Variants in KAZN observed in about 807,000 individuals in gnomAD.
The protein encoded by KAZN is kazrin.
Under a neutral mutation model 87.4 loss-of-function variants are expected in KAZN, and 40 were observed. That is an observed-to-expected ratio of 0.46 (90% CI 0.36 to 0.60). The LOEUF (loss-of-function observed/expected upper bound fraction) is 0.60. Among genes scored for constraint, KAZN ranks in the 20% least tolerant of loss-of-function variants. KAZN has a pLI of 0.00. For missense variants in KAZN, 898 were observed against 1,073.9 expected (o/e 0.84, Z 2.29); for synonymous variants, 466 against 458.3 (o/e 1.02, Z -0.22).
At chr1:15,080,665 C>T (rs1181797871) in intron 8 of KAZN, among the ~76,000 whole-genome samples, 2 of 152,230 alleles carry the variant, frequency 1.3e-5, no homozygotes, top group African/African-American at 4.8e-5. Flanking sequence ...TTCACATTAT[C>T]ATGAAGTGTT....
At chr1:15,038,608 C>G (rs2100272515) in intron 3 of KAZN, among the ~76,000 whole-genome samples, 1 of 152,184 alleles carries the variant, frequency 6.6e-6, no homozygotes, top group African/African-American at 2.4e-5. Context: ...TGTGCACCTA[C>G]TATATACAGG....
intron 1 of KAZN, among the ~76,000 whole-genome samples, chr1:14,081,369 A>T (rs1042242952): frequency 6.6e-6 from 1 of 152,060 alleles, no homozygotes. Context: ...TGACTTAAGG[A>T]TGAGCTTGTT....
chr1:13,941,755 C>A (rs1640936050), intron 1 of KAZN, among the ~76,000 whole-genome samples: 1 of 152,120 alleles, frequency 6.6e-6, no homozygotes, highest in Non-Finnish European at 1.5e-5. Flanking sequence ...CCAAACCTAC[C>A]ACCATCACCA....
intron 1 of KAZN, among the ~76,000 whole-genome samples, chr1:14,948,597 C>G (rs185925880): frequency 1.3e-5 from 2 of 152,238 alleles, no homozygotes; most frequent in Admixed American, 1.3e-4. Flanking sequence ...ATGGAGGTGC[C>G]ATGTTGAAAA....
In KAZN at chr1:15,104,085, A is replaced by G. The variant is rs1357518160; in HGVS notation, c.1944A>G (p.Thr648=). The G allele has an allele frequency of 5.0e-6, 8 of 1,613,340 alleles. No homozygotes were observed. The South Asian group carries it at 7.7e-5, about 16-fold the overall frequency. ...VHGAVLVLEP[T]FNAEAMATAL... is the part of the protein sequence containing the mutation. ...GTGCTGTGCTGGTGCTGGAGCCCAC[A>G]TTCAATGCCGAGGCCATGGCCACTG... The change falls in exon 13 of 15, where the codon ACA becomes ACG. Residue 648 remains threonine, a synonymous_variant. Transcript: ENST00000376030.
At chr1:15,005,620 T>C (rs1451792907) in intron 2 of KAZN, among the ~76,000 whole-genome samples, 1 of 152,042 alleles carries the variant, frequency 6.6e-6, no homozygotes, top group Non-Finnish European at 1.5e-5. Flanking sequence ...ACCCCATCTC[T>C]ACTAAAAATA....
chr1:15,115,391 A>G lies in KAZN; in HGVS notation c.*756A>G, dbSNP rs946837133. 2.6e-5 allele frequency: 4 copies of G among 152,164 alleles called. No homozygotes were observed. Among genetic ancestry groups the G allele is most frequent in the Non-Finnish European group, 5.9e-5 (4 of 68,036 alleles). 9.4% of individuals were successfully genotyped at this position (152,164 alleles called of 1,614,324 possible). Reference sequence around the variant, plus strand: ...GGAGATGCAGATATCCTATCACCAGAATGAAAGCTATTGGGACAACAGGAT... The same window carrying G: ...GGAGATGCAGATATCCTATCACCAGGATGAAAGCTATTGGGACAACAGGAT... On this transcript the variant is annotated 3_prime_UTR_variant, in exon 15 of 15. Transcript: ENST00000376030. The surrounding 1 kb of genome is among the most constrained non-coding windows in gnomAD (Gnocchi z 4.1).
chr1:14,017,330 C>G (rs1640617563), intron 1 of KAZN, among the ~76,000 whole-genome samples: 1 of 152,168 alleles, frequency 6.6e-6, no homozygotes, highest in African/African-American at 2.4e-5. Flanking sequence ...CCTTCTGACT[C>G]AAGACTAGAT....
chr1:14,513,231 C>A (rs888359129), intron 2 of KAZN, among the ~76,000 whole-genome samples: 3 of 152,138 alleles, frequency 2.0e-5, no homozygotes, highest in Non-Finnish European at 4.4e-5. Context: ...CGTGGTATAA[C>A]TTATTGTCTT....
intron 2 of KAZN, among the ~76,000 whole-genome samples, chr1:14,295,859 G>C (rs2100761780): frequency 6.6e-6 from 1 of 152,208 alleles, no homozygotes; most frequent in South Asian, 2.1e-4. Context: ...TCCTTAGCTA[G>C]ATCACGGGGT....
At chr1:14,918,707 A>AATAT (rs201058383) in intron 1 of KAZN, among the ~76,000 whole-genome samples, 172 of 24,512 alleles carry the variant, frequency 7.0e-3, no homozygotes, top group African/African-American at 0.015. Flanking sequence ...AAAAAAAAAA[A>AATAT]ATATATATAT....
chr1:14,331,498 C>T (rs912894485), intron 2 of KAZN, among the ~76,000 whole-genome samples: 6 of 152,160 alleles, frequency 3.9e-5, no homozygotes, highest in African/African-American at 1.4e-4. Flanking sequence ...TACTTTTATA[C>T]CTTACTGCTG....
intron 8 of KAZN, among the ~76,000 whole-genome samples, chr1:15,092,768 C>T (rs571272547): frequency 2.3e-4 from 35 of 152,178 alleles, no homozygotes; most frequent in Admixed American, 3.9e-4. Context: ...AGCTACCACG[C>T]CCGGCCTGTT....
intron 1 of KAZN, among the ~76,000 whole-genome samples, chr1:14,177,382 G>A (rs2100294092): frequency 6.6e-6 from 1 of 152,154 alleles, no homozygotes; most frequent in Admixed American, 6.5e-5. Context: ...GTAAATAGAA[G>A]TTTCTACCTA....
intron 1 of KAZN, among the ~76,000 whole-genome samples, chr1:14,034,284 G>T (rs1641451749): frequency 6.7e-6 from 1 of 149,120 alleles, no homozygotes; most frequent in African/African-American, 2.6e-5. Flanking sequence ...TTTCCTTTTA[G>T]CTGTTTTTTT....
chr1:14,517,829 G>T (rs549336182), intron 2 of KAZN, among the ~76,000 whole-genome samples: 1 of 152,340 alleles, frequency 6.6e-6, no homozygotes, highest in African/African-American at 2.4e-5. Flanking sequence ...CAGCAGTGAA[G>T]TGGATGGATG....
At chr1:15,101,005 G>T (rs1474307573) in intron 10 of KAZN, among the ~76,000 whole-genome samples, 3 of 152,172 alleles carry the variant, frequency 2.0e-5, no homozygotes, top group Non-Finnish European at 4.4e-5. Context: ...AGGTGGAGGG[G>T]CGGGGTCCCC....
intron 1 of KAZN, among the ~76,000 whole-genome samples, chr1:14,661,662 C>T (rs900448774): frequency 2.0e-5 from 1 of 49,758 alleles, no homozygotes; most frequent in African/African-American, 7.0e-5. Context: ...GATTGGGGGA[C>T]GGGGGGGCGG....
intron 14 of KAZN, chr1:15,113,627 G>A (rs879315156): frequency 6.6e-5 from 10 of 152,008 alleles, no homozygotes; most frequent in Non-Finnish European, 1.0e-4. Flanking sequence ...GGACTTACTC[G>A]GTGCAAGCAC....
Sources: gnomAD v4.1 joint callset for allele counts (sites outside exome capture counted in the v4.1 genomes callset) on GRCh38, gnomAD v4.1.1 for gene constraint, Gnocchi (gnomAD v3.1) non-coding constraint, MANE v1.5 for transcripts, NCBI Gene and HGNC (gene_info 2026-07-23, HGNC 2026-07-21) for gene names.